The following EML6 variants were observed in gnomAD, a reference collection of about 807,000 sequenced individuals.
EML6 encodes echinoderm microtubule-associated protein-like 6.
Under a neutral mutation model 240.1 loss-of-function variants are expected in EML6, and 154 were observed. The ratio of observed to expected loss-of-function variants is 0.64; its 90% CI spans 0.56 to 0.73. The LOEUF is 0.73. EML6 is among the 30% of genes least tolerant of loss of function. The pLI is 0.00. For synonymous variants in EML6, 1,148 were observed against 899.0 expected, an observed-to-expected ratio of 1.28 and a Z score of -4.95; for missense variants, 2,964 against 2,474.6, an observed-to-expected ratio of 1.20 and a Z score of -4.20.
In EML6 at chr2:54,961,184, G is replaced by GTTGTTTTTTTTTTTTTGTTTTTTTTTT; in HGVS notation, c.4968+852_4968+853insGTTTTTTTTTTTTTGTTTTTTTTTTTT. Among the ~76,000 whole-genome samples, 27 of 55,412 alleles carry GTTGTTTTTTTTTTTTTGTTTTTTTTTT rather than the reference G, an allele frequency of 4.9e-4. 5 individuals are homozygous for GTTGTTTTTTTTTTTTTGTTTTTTTTTT. Among genetic ancestry groups the GTTGTTTTTTTTTTTTTGTTTTTTTTTT allele is most frequent in the Admixed American group, 1.9e-3 (7 of 3,712 alleles). 36.4% of individuals were successfully genotyped at this position (55,412 alleles called of 152,430 possible). A position where few individuals can be genotyped will look rare whatever the true frequency, so the allele number is the denominator to read the frequency against. Reference sequence around the variant, plus strand: ...GGAGCCTGGAAGTTATCAGGAAGTAGTTTTTTTTTTTTTTTTTTTGAGACG... The same window carrying GTTGTTTTTTTTTTTTTGTTTTTTTTTT: ...GGAGCCTGGAAGTTATCAGGAAGTAGTTGTTTTTTTTTTTTTGTTTTTTTTTTTTTTTTTTTTTTTTTTTTTGAGACG... On this transcript the variant is annotated intron_variant, in intron 35 of 41. Transcript: ENST00000356458.
At chr2:54,911,244 T>C (rs1673622640) in intron 25 of EML6, among the ~76,000 whole-genome samples, 1 of 152,234 alleles carries the variant, frequency 6.6e-6, no homozygotes, top group African/African-American at 2.4e-5. Context: ...TGTAGCAATG[T>C]ACAGTTGGTG....
At position 54,961,184 on chromosome 2, in the gene EML6, G is replaced by GTTGTTTTTTTTTTTTTGTTTTTTTGTT; in HGVS notation, c.4968+852_4968+853insGTTTTTTTTTTTTTGTTTTTTTGTTTT. On this transcript the variant is annotated intron_variant, in intron 35 of 41. Coordinates refer to ENST00000356458, the MANE Select transcript of EML6 (RefSeq NM_001039753.4). ...GGAGCCTGGAAGTTATCAGGAAGTA[G>GTTGTTTTTTTTTTTTTGTTTTTTTGTT]TTTTTTTTTTTTTTTTTTTGAGACG... 2.0e-4 allele frequency among the ~76,000 whole-genome samples: 11 copies of GTTGTTTTTTTTTTTTTGTTTTTTTGTT among 55,422 alleles called. 2 individuals are homozygous for GTTGTTTTTTTTTTTTTGTTTTTTTGTT. The highest frequency in any genetic ancestry group is 1.1e-3 in the Admixed American group (4 of 3,714). 36.4% of individuals were successfully genotyped at this position (55,422 alleles called of 152,430 possible).
chr2:54,918,085 C>T (rs1384216864), intron 26 of EML6, among the ~76,000 whole-genome samples: 12 of 152,340 alleles, frequency 7.9e-5, no homozygotes, highest in South Asian at 6.2e-4. Context: ...CCTGTACTTA[C>T]ACAATTGATT....
At chr2:54,785,710 C>G (rs530782399) in intron 2 of EML6, among the ~76,000 whole-genome samples, 1 of 152,134 alleles carries the variant, frequency 6.6e-6, no homozygotes, top group Admixed American at 6.5e-5. Context: ...TTTATGGTAG[C>G]AAATGATAAA....
At chr2:54,856,813 G>C (rs374405591) in intron 11 of EML6, among the ~76,000 whole-genome samples, 1 of 152,218 alleles carries the variant, frequency 6.6e-6, no homozygotes, top group Admixed American at 6.5e-5. Context: ...ACCAATCCAA[G>C]CTTTTAAGAC....
chr2:54,778,326 T>A (rs1381067225), intron 2 of EML6, among the ~76,000 whole-genome samples: 2 of 152,148 alleles, frequency 1.3e-5, no homozygotes, highest in Non-Finnish European at 2.9e-5. Context: ...AAGTTTGTGC[T>A]AAATATAGAA....
rs1558696203 is a variant in EML6 at position 54,928,659 on chromosome 2, T to G, written c.3912T>G (p.Ile1304Met). 6.4e-7 allele frequency: 1 copy of G among 1,551,924 alleles called. No homozygotes were observed. Reference protein sequence around the residue: ...YDSDVAREKAIDYTTKIYAVS... With the variant: ...YDSDVAREKAMDYTTKIYAVS... Reference sequence around the variant, plus strand: ...GCGATGTTGCTAGAGAAAAGGCCATTGACTACACCACCAAGATTTATGCTG... The same window carrying G: ...GCGATGTTGCTAGAGAAAAGGCCATGGACTACACCACCAAGATTTATGCTG... Residue 1304 changes from isoleucine (I) to methionine (M), a missense_variant, in exon 28 of 42, where the codon ATT becomes ATG. Ile to Met is a conservative substitution (Grantham distance 10). Transcript: ENST00000356458.
intron 3 of EML6, among the ~76,000 whole-genome samples, chr2:54,813,977 A>C (rs1484009553): frequency 3.9e-5 from 6 of 152,178 alleles, no homozygotes; most frequent in Non-Finnish European, 8.8e-5. Context: ...AGTGCTAATA[A>C]GTCAGTGTCA....
chr2:54,725,938 G>A lies in EML6; in HGVS notation c.197+680G>A, dbSNP rs1419101716. Among the ~76,000 whole-genome samples the A allele has an allele frequency of 6.6e-6, 1 of 151,910 alleles. No individual in the cohort carries two copies. The highest frequency in any genetic ancestry group is 1.5e-5 in the Non-Finnish European group (1 of 67,938). On this transcript the variant is annotated intron_variant, in intron 2 of 41. Transcript: ENST00000356458. This position sits in a 1 kb window ranked among gnomAD's most constrained non-coding sequence, Gnocchi z 4.3. ...AATGACCAACATCTGCTAGCGGATG[G>A]CCCAAGACTGACTGACAGGAGAGCT...
At chr2:54,868,095 C>T (rs1165806815) in intron 14 of EML6, 1 of 152,102 alleles carries the variant, frequency 6.6e-6, no homozygotes, top group Non-Finnish European at 1.5e-5. Flanking sequence ...TAAGATATCT[C>T]ATAAGTTTTT....
rs1668380205 is a variant in EML6, at chr2:54,822,538, T to A, written c.525+2076T>A. 2.0e-5 allele frequency among the ~76,000 whole-genome samples: 3 copies of A among 152,196 alleles called. No homozygotes were observed. In the South Asian group the frequency reaches 6.2e-4, roughly 32 times the overall value. ...TGTCTCTAGGAAGTTGAATAAAATG[T>A]TACATCCATATGATGAAACACTGTA... On this transcript the variant is annotated intron_variant, in intron 5 of 41. Transcript: ENST00000356458.
chr2:54,892,887 C>T (rs1295696153), intron 19 of EML6, among the ~76,000 whole-genome samples: 1 of 152,162 alleles, frequency 6.6e-6, no homozygotes, highest in Non-Finnish European at 1.5e-5. Context: ...TCCACACATG[C>T]TCTTCCTGGC....
intron 41 of EML6, 147 bp from the exon 42 acceptor site, chr2:54,969,924 C>A (rs145124495): frequency 1.3e-6 from 1 of 794,844 alleles, no homozygotes; most frequent in South Asian, 1.6e-5. Flanking sequence ...AATTTGGTGG[C>A]AAGATCCCTG....
intron 28 of EML6, among the ~76,000 whole-genome samples, chr2:54,938,558 G>C (rs1675269417): frequency 1.3e-5 from 2 of 152,114 alleles, no homozygotes; most frequent in African/African-American, 2.4e-5. Context: ...CAAATGTTTA[G>C]CAGAATCTGA....
intron 11 of EML6, among the ~76,000 whole-genome samples, chr2:54,855,001 A>G (rs1670295454): frequency 6.6e-6 from 1 of 152,242 alleles, no homozygotes. Context: ...GGGAATAAAC[A>G]TAACTCGATG....
At chr2:54,863,923 C>A in intron 13 of EML6, 34 bp downstream of exon 13, 2 of 1,153,236 alleles carry the variant, frequency 1.7e-6, no homozygotes, top group Non-Finnish European at 2.5e-6. Flanking sequence ...AATTTGTAAC[C>A]CCAGAAGGGG....
intron 2 of EML6, among the ~76,000 whole-genome samples, chr2:54,786,637 A>G (rs1159938401): frequency 2.6e-5 from 4 of 152,202 alleles, no homozygotes; most frequent in Non-Finnish European, 4.4e-5. Context: ...TCTCCATTAT[A>G]CTGAGTTTCT....
chr2:54,870,963 G>A lies in EML6; in HGVS notation c.2239-537G>A, dbSNP rs371776918. 1.2e-3 allele frequency among the ~76,000 whole-genome samples: 179 copies of A among 152,256 alleles called. 2 individuals carry two copies. The highest frequency in any genetic ancestry group is 3.9e-3 in the African/African-American group (164 of 41,540). ...CTCTACTATTATAATTTTCTTTGTTGTTGGGGATTAGTGTGATAGAAGCTT... is the reference window on the plus strand; with the variant it reads ...CTCTACTATTATAATTTTCTTTGTTATTGGGGATTAGTGTGATAGAAGCTT... On this transcript the variant is annotated intron_variant, in intron 15 of 41. Transcript: ENST00000356458.
At chr2:54,851,667 C>G (rs1670097459) in intron 10 of EML6, among the ~76,000 whole-genome samples, 1 of 152,168 alleles carries the variant, frequency 6.6e-6, no homozygotes, top group African/African-American at 2.4e-5. Flanking sequence ...CTGTTTAGTT[C>G]ATTATCCAAG....
Sources: gnomAD v4.1 joint callset for allele counts (sites outside exome capture counted in the v4.1 genomes callset) on GRCh38, gnomAD v4.1.1 for gene constraint, Gnocchi (gnomAD v3.1) non-coding constraint, MANE v1.5 for transcripts, NCBI Gene and HGNC (gene_info 2026-07-23, HGNC 2026-07-21) for gene names.